The following CNTNAP2 variants were observed in gnomAD, a reference collection of about 807,000 sequenced individuals.
The protein encoded by CNTNAP2 is contactin-associated protein-like 2.
A neutral mutation model predicts 155.2 loss-of-function variants in CNTNAP2; 98 were observed. The ratio of observed to expected loss-of-function variants is 0.63; its 90% confidence interval spans 0.54 to 0.75. The LOEUF (loss-of-function observed/expected upper bound fraction) is 0.75, where lower values mean the gene tolerates loss of function less well. CNTNAP2 is among the 30% of genes least tolerant of loss of function. CNTNAP2 has a pLI of 0.00. For missense variants in CNTNAP2, 1,727 were observed against 1,688.1 expected, an observed-to-expected ratio of 1.02 and a Z score of -0.40; for synonymous variants, 651 against 631.2, an observed-to-expected ratio of 1.03 and a Z score of -0.47.
chr7:146,307,931 A>T (rs536046313), intron 1 of CNTNAP2, among the ~76,000 whole-genome samples: 2 of 152,150 alleles, frequency 1.3e-5, no homozygotes, highest in South Asian at 4.1e-4. Context: ...GGACTTCATG[A>T]CTAAAACACC....
At chr7:147,288,039 A>G (rs1034242165) in intron 8 of CNTNAP2, among the ~76,000 whole-genome samples, 38 of 151,504 alleles carry the variant, frequency 2.5e-4, no homozygotes, top group Middle Eastern at 3.4e-3. Context: ...TACCTTTTGC[A>G]CTCTGGTCCC....
At chr7:147,459,988 G>C (rs570273299) in intron 10 of CNTNAP2, among the ~76,000 whole-genome samples, 2 of 152,232 alleles carry the variant, frequency 1.3e-5, no homozygotes, top group South Asian at 4.1e-4. Flanking sequence ...ACCAGGGCCT[G>C]TCAGGGGATG....
chr7:146,681,460 G>T (rs1244441419), intron 1 of CNTNAP2, among the ~76,000 whole-genome samples: 1 of 78,626 alleles, frequency 1.3e-5, no homozygotes, highest in Non-Finnish European at 2.6e-5. Context: ...GCAGGGTGGC[G>T]GGGGGAGAGG....
intron 1 of CNTNAP2, among the ~76,000 whole-genome samples, chr7:146,296,958 CTG>C (rs141424842): frequency 0.028 from 4,200 of 149,010 alleles, 96 homozygotes; most frequent in African/African-American, 0.062. Context: ...CAGGTATTAT[CTG>C]TGTGTGTGTG....
chr7:147,179,409 G>A (rs1802412003), intron 8 of CNTNAP2, among the ~76,000 whole-genome samples: 1 of 152,146 alleles, frequency 6.6e-6, no homozygotes, highest in African/African-American at 2.4e-5. Context: ...TCCCAGTCTT[G>A]CAAATATTGG....
At chr7:147,134,298 A>G (rs1276367579) in intron 8 of CNTNAP2, among the ~76,000 whole-genome samples, 1 of 152,014 alleles carries the variant, frequency 6.6e-6, no homozygotes, top group East Asian at 1.9e-4. Flanking sequence ...AAAATTAAAG[A>G]TAGAATGAAC....
chr7:147,664,320 G>T (rs1179176899), intron 13 of CNTNAP2, among the ~76,000 whole-genome samples: 1 of 152,208 alleles, frequency 6.6e-6, no homozygotes, highest in African/African-American at 2.4e-5. Flanking sequence ...CTGACAGGAA[G>T]AGTGAAGAAG....
Position 147,170,483 on chromosome 7 carries a change from G to C in CNTNAP2, c.1348+37974G>C, listed in dbSNP as rs116660030. Among the ~76,000 whole-genome samples, 481 of 152,242 alleles carry C rather than the reference G, an allele frequency of 3.2e-3. 9 individuals carry two copies. Among genetic ancestry groups the C allele is most frequent in the African/African-American group, 0.01 (432 of 41,542 alleles). On this transcript the variant is annotated intron_variant, in intron 8 of 23. Coordinates refer to ENST00000361727, the MANE Select transcript of CNTNAP2 (RefSeq NM_014141.6). The stretch of plus-strand genomic sequence containing the variant: ...TGGGCTTCCCTGGGGCAGGTGTTGG[G>C]CAGGGGGATAGACCACGCCCTTACT...
At chr7:146,880,348 C>A (rs541329143) in intron 3 of CNTNAP2, among the ~76,000 whole-genome samples, 2 of 151,810 alleles carry the variant, frequency 1.3e-5, no homozygotes, top group Admixed American at 6.6e-5. Context: ...CGAAGAACAC[C>A]AAGAAGGTAG....
intron 14 of CNTNAP2, 37 bp from the exon 15 acceptor site, chr7:147,977,825 C>A (rs988292791): frequency 1.9e-6 from 3 of 1,613,470 alleles, no homozygotes; most frequent in South Asian, 1.1e-5. Flanking sequence ...TCTAATGCAG[C>A]CTCCTCATTC....
rs1326814237 is a variant in CNTNAP2 at position 146,721,689 on chromosome 7, ATATATATATTCTATATACATTC to A, written c.98-52568_98-52547del. Among the ~76,000 whole-genome samples the A allele has an allele frequency of 2.0e-5, 2 of 101,492 alleles. 1 individual carries two copies. Among genetic ancestry groups the A allele is most frequent in the Admixed American group, 1.9e-4 (2 of 10,778 alleles). 66.6% of individuals were successfully genotyped at this position (101,492 alleles called of 152,430 possible). A position where few individuals can be genotyped will look rare whatever the true frequency, so the allele number is the denominator to read the frequency against. On this transcript the variant is annotated intron_variant, in intron 1 of 23. Transcript: ENST00000361727. Reference sequence around the variant, plus strand: ...TCTATATATATACTATATACATTCTATATATATATTCTATATACATTCTATATATATTCTAAATACATTATAT... The same window carrying A: ...TCTATATATATACTATATACATTCTATATATATATTCTAAATACATTATAT...
At chr7:146,163,322 C>A (rs114078900) in intron 1 of CNTNAP2, among the ~76,000 whole-genome samples, 1 of 151,158 alleles carries the variant, frequency 6.6e-6, no homozygotes, top group Non-Finnish European at 1.5e-5. Context: ...ACCTGTAATC[C>A]GAGCATTTTG....
intron 10 of CNTNAP2, among the ~76,000 whole-genome samples, chr7:147,443,891 G>C (rs983120191): frequency 1.3e-5 from 2 of 152,192 alleles, no homozygotes; most frequent in African/African-American, 4.8e-5. Context: ...ATTTCAGGAA[G>C]ATTATCTCCT....
At chr7:147,147,328 G>A (rs1383188467) in intron 8 of CNTNAP2, among the ~76,000 whole-genome samples, 3 of 152,182 alleles carry the variant, frequency 2.0e-5, no homozygotes, top group African/African-American at 7.2e-5. Flanking sequence ...TGAGATTTGG[G>A]TGGAGATACA....
intron 1 of CNTNAP2, among the ~76,000 whole-genome samples, chr7:146,474,173 T>C (rs540874441): frequency 3.3e-5 from 5 of 152,086 alleles, no homozygotes; most frequent in African/African-American, 9.6e-5. Context: ...ATTTCAGGAC[T>C]TCTGTGTAGA....
chr7:147,958,377 G>A (rs1261516279), intron 14 of CNTNAP2, among the ~76,000 whole-genome samples: 6 of 152,090 alleles, frequency 3.9e-5, no homozygotes, highest in South Asian at 2.1e-4. Flanking sequence ...TAAAGTTTGC[G>A]AGGGAACCAG....
In CNTNAP2 at chr7:148,389,161, ATTC is replaced by A. The variant is rs1799288148; in HGVS notation, c.3715+5276_3715+5278del. On this transcript the variant is annotated intron_variant, in intron 22 of 23. Coordinates refer to ENST00000361727, the MANE Select transcript of CNTNAP2 (RefSeq NM_014141.6). ...CTATTCAGCCATCTTGGCTCCTCCT[ATTC>A]TTTTATTCCTTTACTTTCCCAATTG... Among the ~76,000 whole-genome samples, 4 of 152,088 alleles carry A rather than the reference ATTC, an allele frequency of 2.6e-5. 1 individual carries two copies. The South Asian group carries it at 8.3e-4, about 32-fold the overall frequency.
rs1796216167 is a variant in CNTNAP2 at position 146,434,584 on chromosome 7, T to A, written c.97+317611T>A. ...CGCTTCAGAAGAGGTGGGAGCACAA[T>A]TTTAGGCAGGTGGTGAAGAAATTTT... On this transcript the variant is annotated intron_variant, in intron 1 of 23. Transcript: ENST00000361727. 1.3e-5 allele frequency among the ~76,000 whole-genome samples: 2 copies of A among 152,088 alleles called. 1 individual carries two copies. Among genetic ancestry groups the A allele is most frequent in the Admixed American group, 1.3e-4 (2 of 15,256 alleles).
intron 1 of CNTNAP2, among the ~76,000 whole-genome samples, chr7:146,331,734 T>A (rs955758114): frequency 6.6e-6 from 1 of 152,192 alleles, no homozygotes; most frequent in African/African-American, 2.4e-5. Flanking sequence ...GGGAAGCATG[T>A]TTCATAAATA....
Sources: gnomAD v4.1 joint callset for allele counts (sites outside exome capture counted in the v4.1 genomes callset) on GRCh38, gnomAD v4.1.1 for gene constraint, MANE v1.5 for transcripts, NCBI Gene and HGNC (gene_info 2026-07-23, HGNC 2026-07-21) for gene names.